R3HDM2: variants seen among roughly 807,000 people sequenced by gnomAD.
R3HDM2 encodes R3H domain-containing protein 2.
R3HDM2 carries 38 observed loss-of-function variants against 124.5 expected under a neutral mutation model. The observed-to-expected ratio is 0.31, with a 90% CI of 0.24 to 0.40. R3HDM2 has a LOEUF of 0.40. Among genes scored for constraint, R3HDM2 ranks in the 10% least tolerant of loss-of-function variants. The pLI is 1.00. For missense variants in R3HDM2, 869 were observed against 1,236.9 expected (o/e 0.70, Z 4.46); for synonymous variants, 391 against 448.0 (o/e 0.87, Z 1.61).
chr12:57,267,688 G>A (rs1272529843), intron 18 of R3HDM2, among the ~76,000 whole-genome samples: 1 of 152,180 alleles, frequency 6.6e-6, no homozygotes, highest in Non-Finnish European at 1.5e-5. Context: ...CTGGGAGACA[G>A]GCATACAGAA....
chr12:57,425,958 T>TC (rs370174175), intron 1 of R3HDM2, among the ~76,000 whole-genome samples: 27 of 149,382 alleles, frequency 1.8e-4, no homozygotes, highest in African/African-American at 5.9e-4. Context: ...TCAGGCGCGG[T>TC]GGCTCATGCC....
At position 57,382,534 on chromosome 12, in the gene R3HDM2, C is replaced by T. The variant is rs2065053607; in HGVS notation, c.-36+13215G>A. Among the ~76,000 whole-genome samples the T allele has an allele frequency of 2.2e-5, 3 of 134,380 alleles. No homozygotes were observed. The Admixed American group carries it at 2.4e-4, about 11-fold the overall frequency. The allele number at this position is 134,380 out of a possible 152,430, so 88.2% of individuals were successfully genotyped here. ...AGTGCTGGGATGAAAGGCGTGAGCC[C>T]AGCCTACAAAAAAAAAAAAAAAAAA... On this transcript the variant is annotated intron_variant, in intron 2 of 23. Coordinates refer to ENST00000402412, the MANE Select transcript of R3HDM2 (RefSeq NM_001394031.1).
intron 11 of R3HDM2, among the ~76,000 whole-genome samples, chr12:57,289,698 T>A (rs915214421): frequency 3.9e-5 from 6 of 152,068 alleles, no homozygotes; most frequent in Admixed American, 6.5e-5. Flanking sequence ...GTACCAAGAG[T>A]GTCCAGCTGC....
intron 1 of R3HDM2, among the ~76,000 whole-genome samples, chr12:57,426,179 G>C (rs1244917351): frequency 6.6e-6 from 1 of 152,040 alleles, no homozygotes; most frequent in Non-Finnish European, 1.5e-5. Flanking sequence ...AGTGAGCCAA[G>C]ATCACACCAT....
chr12:57,427,570 G>A (rs1289122732), intron 1 of R3HDM2, among the ~76,000 whole-genome samples: 4 of 151,050 alleles, frequency 2.6e-5, no homozygotes, highest in Non-Finnish European at 4.4e-5. Context: ...GGCTGGTCTC[G>A]AACTTCTAAC....
At position 57,314,951 on chromosome 12, in the gene R3HDM2, C is replaced by T. The variant is rs186690184; in HGVS notation, c.-35-4488G>A. Among the ~76,000 whole-genome samples the T allele has an allele frequency of 2.2e-3, 332 of 152,206 alleles. 9 individuals are homozygous for T. In the East Asian group the frequency reaches 0.05, roughly 23 times the overall value. ...TGGCCCACTTCAGCCTCAACCTCCC[C>T]GGGCTCAGGTGATCCTCCTATCTCA... On this transcript the variant is annotated intron_variant, in intron 2 of 23. Coordinates refer to ENST00000402412, the MANE Select transcript of R3HDM2 (RefSeq NM_001394031.1).
At position 57,395,788 on chromosome 12, in the gene R3HDM2, T is replaced by C. The variant is rs919214594; in HGVS notation, c.-75A>G. The C allele has an allele frequency of 5.9e-5, 58 of 984,198 alleles. No homozygotes were observed. Among genetic ancestry groups the C allele is most frequent in the Non-Finnish European group, 6.6e-5 (55 of 829,588 alleles). The allele number at this position is 984,198 out of a possible 1,614,324, so 61.0% of individuals were successfully genotyped here. A position where few individuals can be genotyped will look rare whatever the true frequency, so the allele number is the denominator to read the frequency against. ...AGCCTCCATGAGTCCAGTGCTGGAA[T>C]GGCATCACATATAAGAAACAAGTCT... On this transcript the variant is annotated 5_prime_UTR_variant, in exon 2 of 24. Coordinates refer to ENST00000402412, the MANE Select transcript of R3HDM2 (RefSeq NM_001394031.1).
chr12:57,308,624 T>C (rs1483794799), intron 3 of R3HDM2, among the ~76,000 whole-genome samples: 2 of 152,058 alleles, frequency 1.3e-5, no homozygotes, highest in Non-Finnish European at 2.9e-5. Context: ...AGGCGGAGGT[T>C]GCAGTGGGCC....
chr12:57,338,638 C>A (rs915220699), intron 2 of R3HDM2, among the ~76,000 whole-genome samples: 1 of 152,112 alleles, frequency 6.6e-6, no homozygotes, highest in African/African-American at 2.4e-5. Flanking sequence ...GTGATCCACC[C>A]ACCCTGGCCT....
chr12:57,294,005 C>T (rs547864796), intron 10 of R3HDM2, among the ~76,000 whole-genome samples: 2 of 152,228 alleles, frequency 1.3e-5, no homozygotes, highest in African/African-American at 4.8e-5. Context: ...AGCTCTGCCA[C>T]CTCCCAGTAA....
At chr12:57,272,412 C>A in intron 14 of R3HDM2, 1 of 1,481,278 alleles carries the variant, frequency 6.8e-7, no homozygotes. Context: ...CAGATACAGG[C>A]CACACATGAA....
chr12:57,295,765 A>G (rs1030115394), intron 9 of R3HDM2, among the ~76,000 whole-genome samples: 1 of 152,222 alleles, frequency 6.6e-6, no homozygotes, highest in African/African-American at 2.4e-5. Flanking sequence ...ACTTCATGAA[A>G]CATCAGTCTC....
intron 1 of R3HDM2, among the ~76,000 whole-genome samples, chr12:57,422,520 C>T (rs2070314324): frequency 6.6e-6 from 1 of 152,142 alleles, no homozygotes; most frequent in Non-Finnish European, 1.5e-5. Context: ...CTAGCTAACT[C>T]CCAGGTAGTT....
intron 2 of R3HDM2, among the ~76,000 whole-genome samples, chr12:57,380,746 T>C (rs2064746303): frequency 6.6e-6 from 1 of 151,784 alleles, no homozygotes; most frequent in African/African-American, 2.4e-5. Flanking sequence ...AAATCTTCTC[T>C]GAACAAAATT....
chr12:57,266,138 C>G (rs2042351445), intron 19 of R3HDM2, among the ~76,000 whole-genome samples: 2 of 138,286 alleles, frequency 1.4e-5, no homozygotes, highest in South Asian at 2.3e-4. Flanking sequence ...CGGAGTCTTG[C>G]TCTGTTGCCC....
At chr12:57,400,080 G>C (rs2067910659) in intron 1 of R3HDM2, among the ~76,000 whole-genome samples, 1 of 152,068 alleles carries the variant, frequency 6.6e-6, no homozygotes, top group African/African-American at 2.4e-5. Context: ...TCCCATTACT[G>C]GGTATATACC....
intron 2 of R3HDM2, among the ~76,000 whole-genome samples, chr12:57,321,116 A>G (rs1335928302): frequency 6.6e-6 from 1 of 152,260 alleles, no homozygotes; most frequent in Non-Finnish European, 1.5e-5. Flanking sequence ...ATCCCTAATG[A>G]GAAAATCTGA....
At chr12:57,298,245 C>T (rs906662447) in intron 6 of R3HDM2, 77 bp from the exon 7 acceptor site, 8 of 1,101,930 alleles carry the variant, frequency 7.3e-6, no homozygotes, top group African/African-American at 6.4e-5. Context: ...CAGAAGTCCA[C>T]AACCTAACCA....
Position 57,256,467 on chromosome 12 carries a change from G to C in R3HDM2, c.2494C>G (p.Leu832Val). 1 of 1,599,192 alleles carries C rather than the reference G, an allele frequency of 6.3e-7. No homozygotes were observed. Among genetic ancestry groups the C allele is most frequent in the Non-Finnish European group, 8.5e-7 (1 of 1,172,564 alleles). ...TGGAGCAAGGGAGGGCAGATGGACA[G>C]ATTGTACTGTAATGGCTGGCCCAAA... is the stretch of plus-strand genomic sequence containing the variant. ...SLLGQPLQYNLSICPPLLHGQ... is the reference protein window; with the variant it reads ...SLLGQPLQYNVSICPPLLHGQ... Residue 832 changes from leucine to valine, a missense_variant, in exon 22 of 24, where the codon CTG (leucine) becomes GTG (valine). By Grantham distance (32) the Leu-to-Val change is conservative (BLOSUM62 1). This residue lies in a region of R3HDM2 where 602 missense variants were observed against 789.2 expected (regional missense o/e 0.76). Coordinates refer to ENST00000402412, the MANE Select transcript of R3HDM2 (RefSeq NM_001394031.1).
Sources: gnomAD v4.1 joint callset for allele counts (sites outside exome capture counted in the v4.1 genomes callset) on GRCh38, gnomAD v4.1.1 for gene constraint, gnomAD v4.1.1 regional missense constraint, MANE v1.5 for transcripts, NCBI Gene and HGNC (gene_info 2026-07-23, HGNC 2026-07-21) for gene names.